ARHGEF10: variants seen among roughly 807,000 people sequenced by gnomAD.
The protein encoded by ARHGEF10 is Rho guanine nucleotide exchange factor 10.
A neutral mutation model predicts 147.4 loss-of-function variants in ARHGEF10; 140 were observed. The observed-to-expected ratio is 0.95, with a 90% CI of 0.83 to 1.09. The LOEUF (loss-of-function observed/expected upper bound fraction) is 1.09. Ranked by LOEUF, ARHGEF10 falls within the 50% of genes least tolerant of loss-of-function variation. The pLI is 0.00. For missense variants in ARHGEF10, 2,222 were observed against 1,752.7 expected (o/e 1.27, Z -4.78); for synonymous variants, 902 against 695.8 (o/e 1.30, Z -4.67).
intron 1 of ARHGEF10, among the ~76,000 whole-genome samples, chr8:1,827,893 G>C (rs559659258): frequency 1.3e-5 from 2 of 152,220 alleles, no homozygotes; most frequent in Non-Finnish European, 2.9e-5. Context: ...GCCCTTGTGA[G>C]GGAGCGATGG....
At chr8:1,842,027 G>C (rs1804123484) in intron 1 of ARHGEF10, among the ~76,000 whole-genome samples, 1 of 115,886 alleles carries the variant, frequency 8.6e-6, no homozygotes. Flanking sequence ...CGGGAACTGG[G>C]GCCGCGGCGG....
chr8:1,869,105 ACAT>A (rs1445920808), intron 6 of ARHGEF10, 86 bp from the exon 7 acceptor site: 85 of 1,185,602 alleles, frequency 7.2e-5, no homozygotes, highest in Non-Finnish European at 9.9e-5. Flanking sequence ...AATAATCATG[ACAT>A]CATCGGCGAC....
At position 1,859,909 on chromosome 8, in the gene ARHGEF10, G is replaced by C. The variant is rs774901320; in HGVS notation, c.206G>C (p.Gly69Ala). 6.2e-7 allele frequency: 1 copy of C among 1,614,118 alleles called. No individual in the cohort carries two copies. The highest frequency in any genetic ancestry group is 1.1e-5 in the South Asian group (1 of 91,086). ...TCTGCATCCCCAGGAGGTGAGGATG[G>C]AGCTGGAGCAGAAACCACCCCAGTG... ...EAPAPTGGED[G>A]AGAETTPVAE... The change falls in exon 4 of 29, where the codon GGA (glycine) becomes GCA (alanine). Residue 69 changes from glycine (G) to alanine (A), a missense_variant. Coordinates refer to ENST00000349830, the MANE Select transcript of ARHGEF10 (RefSeq NM_014629.4).
chr8:1,945,794 C>G (rs910035172), intron 27 of ARHGEF10, 139 bp downstream of exon 27: 102 of 1,312,986 alleles, frequency 7.8e-5, no homozygotes, highest in Non-Finnish European at 1.0e-4. Context: ...TGGGGTGGGA[C>G]AAGGCCCAGG....
intron 11 of ARHGEF10, among the ~76,000 whole-genome samples, chr8:1,889,492 G>A (rs1327330147): frequency 7.1e-5 from 5 of 70,906 alleles, no homozygotes; most frequent in Admixed American, 2.6e-4. Flanking sequence ...TGGGGTGAGG[G>A]GTCTGTGAGG....
chr8:1,888,606 T>G (rs1809018179), intron 11 of ARHGEF10, among the ~76,000 whole-genome samples: 4 of 113,538 alleles, frequency 3.5e-5, no homozygotes, highest in African/African-American at 8.0e-5. Context: ...TGTCACTGAG[T>G]GTGGTGAGGT....
At chr8:1,904,388 T>C (rs150046531) in intron 16 of ARHGEF10, 196 of 152,334 alleles carry the variant, frequency 1.3e-3, no homozygotes, top group African/African-American at 4.6e-3. Flanking sequence ...TACAAATCAT[T>C]GTTTTGTCAT....
intron 4 of ARHGEF10, among the ~76,000 whole-genome samples, 172 bp from the exon 5 acceptor site, chr8:1,864,201 G>C (rs1806386812): frequency 6.6e-6 from 1 of 152,144 alleles, no homozygotes; most frequent in African/African-American, 2.4e-5. Flanking sequence ...TTCCAGTCTT[G>C]AATACATTTT....
chr8:1,901,122 T>C (rs1585461843), intron 15 of ARHGEF10, among the ~76,000 whole-genome samples: 2 of 152,180 alleles, frequency 1.3e-5, no homozygotes, highest in East Asian at 3.9e-4. Flanking sequence ...TGGATGTGCC[T>C]GAGGGGCCCT....
chr8:1,868,949 C>T (rs1045420806), intron 6 of ARHGEF10, among the ~76,000 whole-genome samples: 2 of 151,960 alleles, frequency 1.3e-5, no homozygotes, highest in African/African-American at 2.4e-5. Flanking sequence ...CCTTCATTCC[C>T]AATAAATTAT....
At chr8:1,849,056 G>C (rs558188058) in intron 2 of ARHGEF10, among the ~76,000 whole-genome samples, 6 of 152,212 alleles carry the variant, frequency 3.9e-5, no homozygotes, top group African/African-American at 1.4e-4. Context: ...CACAGTCAGT[G>C]CTGGTCACCC....
chr8:1,881,975 CCT>C (rs1808237253), intron 9 of ARHGEF10, among the ~76,000 whole-genome samples: 1 of 152,194 alleles, frequency 6.6e-6, no homozygotes, highest in Non-Finnish European at 1.5e-5. Context: ...CTCAGACGCC[CCT>C]GAGTCTAGGC....
intron 27 of ARHGEF10, among the ~76,000 whole-genome samples, chr8:1,947,330 G>T (rs931111487): frequency 6.6e-6 from 1 of 152,122 alleles, no homozygotes; most frequent in African/African-American, 2.4e-5. Context: ...ACCTCCCTCC[G>T]GGGCGAAGCA....
At chr8:1,890,515 G>C (rs1395327682) in intron 11 of ARHGEF10, among the ~76,000 whole-genome samples, 1 of 150,588 alleles carries the variant, frequency 6.6e-6, no homozygotes, top group Admixed American at 6.6e-5. Context: ...TTCTGAGTGG[G>C]GCGAGACGGG....
chr8:1,944,853 G>A (rs930926239), intron 26 of ARHGEF10, among the ~76,000 whole-genome samples: 5 of 152,222 alleles, frequency 3.3e-5, no homozygotes, highest in African/African-American at 1.2e-4. Flanking sequence ...CTGAGGCCAT[G>A]TTGGGGGGTC....
chr8:1,859,964 G>T lies in ARHGEF10; in HGVS notation c.261G>T (p.Met87Ile). Residue 87 changes from methionine to isoleucine, a missense_variant, in exon 4 of 29, where the codon ATG (methionine) becomes ATT (isoleucine). By Grantham distance (10) the Met-to-Ile change is conservative. Coordinates refer to ENST00000349830, the MANE Select transcript of ARHGEF10 (RefSeq NM_014629.4). ...VAEPTKLVLPMKVNPYSVIDI... is the reference protein window; with the variant it reads ...VAEPTKLVLPIKVNPYSVIDI... ...AGCCTACTAAGCTGGTGCTCCCGAT[G>T]AAAGTCAACCCATATTCTGTCATCG... The T allele has an allele frequency of 6.2e-7, 1 of 1,614,172 alleles. No individual in the cohort carries two copies. Among genetic ancestry groups the T allele is most frequent in the East Asian group, 2.2e-5 (1 of 44,874 alleles).
chr8:1,858,590 G>A (rs990189662), intron 3 of ARHGEF10, among the ~76,000 whole-genome samples: 5 of 152,214 alleles, frequency 3.3e-5, no homozygotes, highest in African/African-American at 1.2e-4. Context: ...TTCAGAACAT[G>A]TGGGATGAAG....
chr8:1,835,620 C>T (rs1433377248), intron 1 of ARHGEF10, among the ~76,000 whole-genome samples: 1 of 152,204 alleles, frequency 6.6e-6, no homozygotes, highest in Admixed American at 6.5e-5. Flanking sequence ...GGCCAGCGTC[C>T]TTCCCACCCT....
At chr8:1,838,598 C>A (rs1420979916) in intron 1 of ARHGEF10, among the ~76,000 whole-genome samples, 3 of 152,276 alleles carry the variant, frequency 2.0e-5, no homozygotes, top group African/African-American at 7.2e-5. Context: ...TTGGTGTTGG[C>A]TGAATATTTT....
Sources: allele counts gnomAD v4.1 joint callset (sites outside exome capture counted in the v4.1 genomes callset), GRCh38; gene constraint gnomAD v4.1.1; transcripts MANE v1.5; gene names NCBI Gene and HGNC (gene_info 2026-07-23, HGNC 2026-07-21).